ACVR2A: variants seen among roughly 807,000 people sequenced by gnomAD.
ACVR2A encodes the protein activin A receptor type 2A.
A neutral mutation model predicts 61.4 loss-of-function variants in ACVR2A; 7 were observed. That is an observed-to-expected ratio of 0.11 (90% confidence interval 0.06 to 0.21). The LOEUF is 0.21. Among genes scored for constraint, ACVR2A ranks in the 10% least tolerant of loss-of-function variants. The pLI, the probability that ACVR2A is intolerant of heterozygous loss-of-function variation, is 1.00. For synonymous variants in ACVR2A, 193 were observed against 208.3 expected (o/e 0.93, Z 0.63); for missense variants, 322 against 621.7 (o/e 0.52, Z 5.13).
At chr2:147,844,559 GCCAGAGCCTGGA>G, upstream of ACVR2A, 1 of 149,478 alleles carries the variant, frequency 6.7e-6, no homozygotes, top group East Asian at 2.0e-4. Flanking sequence ...CGGAGCTGGA[GCCAGAGCCTGGA>G]CCAGAACTTG....
At chr2:147,920,674 A>G (rs1022855994) in intron 8 of ACVR2A, among the ~76,000 whole-genome samples, 2 of 152,156 alleles carry the variant, frequency 1.3e-5, no homozygotes, top group Non-Finnish European at 2.9e-5. Context: ...TAGTTCTTTC[A>G]CCATCTTAAG....
intron 7 of ACVR2A, among the ~76,000 whole-genome samples, chr2:147,919,233 G>A (rs1687322815): frequency 2.0e-5 from 3 of 152,136 alleles, no homozygotes; most frequent in African/African-American, 7.2e-5. Context: ...TTAGCTGAGT[G>A]CCACCAGGCG....
intron 1 of ACVR2A, among the ~76,000 whole-genome samples, chr2:147,864,075 T>G (rs538270919): frequency 6.6e-6 from 1 of 152,330 alleles, no homozygotes; most frequent in South Asian, 2.1e-4. Context: ...GTTTCCTGTG[T>G]TGGGTGAGTG....
chr2:147,891,406 G>A (rs1686579022), intron 1 of ACVR2A, among the ~76,000 whole-genome samples: 1 of 151,976 alleles, frequency 6.6e-6, no homozygotes, highest in Non-Finnish European at 1.5e-5. Flanking sequence ...TAGGTTAGAC[G>A]GACTATTGGG....
At chr2:147,901,912 A>G (rs1686879057) in intron 4 of ACVR2A, among the ~76,000 whole-genome samples, 1 of 152,026 alleles carries the variant, frequency 6.6e-6, no homozygotes, top group Admixed American at 6.6e-5. Flanking sequence ...CTGTTCTGCA[A>G]GACCACTTCG....
At position 147,930,517 on chromosome 2, in the gene ACVR2A, ACAT is replaced by A. The variant is rs1160064954; in HGVS notation, c.*3247_*3249del. 6.6e-6 allele frequency: 1 copy of A among 152,450 alleles called. No homozygotes were observed. The highest frequency in any genetic ancestry group is 1.5e-5 in the Non-Finnish European group (1 of 67,982). 9.4% of individuals were successfully genotyped at this position (152,450 alleles called of 1,614,324 possible). On this transcript the variant is annotated 3_prime_UTR_variant, in exon 11 of 11. Coordinates refer to ENST00000241416, the MANE Select transcript of ACVR2A (RefSeq NM_001616.5). ...ATGATACAAGTAGCATCTTGATTGA[ACAT>A]CATTTACCTCAGATATTCAACCAGC...
At chr2:147,877,267 A>G (rs1202988942) in intron 1 of ACVR2A, among the ~76,000 whole-genome samples, 1 of 152,194 alleles carries the variant, frequency 6.6e-6, no homozygotes, top group East Asian at 1.9e-4. Flanking sequence ...ACAGTTCCCA[A>G]TAATTATTAT....
At position 147,862,010 on chromosome 2, in the gene ACVR2A, A is replaced by G. The variant is rs554671597; in HGVS notation, c.55+16803A>G. Among the ~76,000 whole-genome samples the G allele has an allele frequency of 1.4e-4, 22 of 152,266 alleles. No homozygotes were observed. In the South Asian group the frequency reaches 4.1e-3, roughly 29 times the overall value. ...TTAACTCAAACCCTGAGATAATGCA[A>G]TTTGCCTGAAGTCACTAATCAGTGG... On this transcript the variant is annotated intron_variant, in intron 1 of 10. Transcript: ENST00000241416.
chr2:147,882,479 A>G (rs1235171711), intron 1 of ACVR2A, among the ~76,000 whole-genome samples: 4 of 152,220 alleles, frequency 2.6e-5, no homozygotes, highest in Non-Finnish European at 5.9e-5. Context: ...TGAACCTGGG[A>G]GGCAGAGGTT....
chr2:147,899,403 G>A, intron 2 of ACVR2A, 55 bp from the exon 3 acceptor site: 6 of 1,153,678 alleles, frequency 5.2e-6, no homozygotes, highest in Non-Finnish European at 7.3e-6. Context: ...AACACTTGTT[G>A]TAGGGTCAGT....
intron 5 of ACVR2A, among the ~76,000 whole-genome samples, chr2:147,915,859 G>T (rs1172556006): frequency 6.6e-6 from 1 of 151,808 alleles, no homozygotes; most frequent in Non-Finnish European, 1.5e-5. Flanking sequence ...TTTAAGGTTG[G>T]CTGGACTTCT....
At position 147,929,960 on chromosome 2, in the gene ACVR2A, A is replaced by C. The variant is rs893157328; in HGVS notation, c.*2686A>C. 4 of 152,496 alleles carry C rather than the reference A, an allele frequency of 2.6e-5. No individual in the cohort carries two copies. The highest frequency in any genetic ancestry group is 6.6e-5 in the Admixed American group (1 of 15,220). 9.4% of individuals were successfully genotyped at this position (152,496 alleles called of 1,614,324 possible). ...CAACTTGCCATAGGACTGATGGATT[A>C]ACCAGTGTTCGGCTTTATTTGAAGT... On this transcript the variant is annotated 3_prime_UTR_variant, in exon 11 of 11. Transcript: ENST00000241416.
chr2:147,926,051 T>C lies in ACVR2A; in HGVS notation c.1237T>C (p.Leu413=). 1.2e-6 allele frequency: 2 copies of C among 1,611,596 alleles called. No individual in the cohort carries two copies. Among genetic ancestry groups the C allele is most frequent in the Non-Finnish European group, 1.7e-6 (2 of 1,178,506 alleles). ...AADGPVDEYM[L]PFEEEIGQHP... The stretch of plus-strand genomic sequence containing the variant: ...TTCAGGACCTGTAGATGAATACATG[T>C]TGCCATTTGAGGAGGAAATTGGCCA... Residue 413 remains leucine, a synonymous_variant, in exon 10 of 11, where the codon TTG becomes CTG. Coordinates refer to ENST00000241416, the MANE Select transcript of ACVR2A (RefSeq NM_001616.5).
At position 147,927,073 on chromosome 2, in the gene ACVR2A, C is replaced by G. The variant is rs374445308; in HGVS notation, c.1348-7C>G. 1 of 1,609,148 alleles carries G rather than the reference C, an allele frequency of 6.2e-7. No individual in the cohort carries two copies. The highest frequency in any genetic ancestry group is 1.3e-5 in the African/African-American group (1 of 74,578). On this transcript the variant is annotated splice_region_variant and splice_polypyrimidine_tract_variant and intron_variant, in intron 10 of 10. Transcript: ENST00000241416. Reference sequence around the variant, plus strand: ...TGGCGTTTGAGTATATGTTTTTCTCCTTTTAGGGAATGGCAATGCTCTGTG... The same window carrying G: ...TGGCGTTTGAGTATATGTTTTTCTCGTTTTAGGGAATGGCAATGCTCTGTG...
intron 3 of ACVR2A, 26 bp downstream of exon 3, chr2:147,899,593 G>T (rs776493041): frequency 1.2e-6 from 2 of 1,602,686 alleles, no homozygotes; most frequent in African/African-American, 1.3e-5. Flanking sequence ...AAATACGTAG[G>T]TTTGCTCAAC....
At chr2:147,890,535 G>A (rs943272129) in intron 1 of ACVR2A, among the ~76,000 whole-genome samples, 16 of 152,268 alleles carry the variant, frequency 1.1e-4, no homozygotes, top group African/African-American at 3.4e-4. Flanking sequence ...AGGGGATTCT[G>A]ATGCACATCA....
chr2:147,911,304 GT>G lies in ACVR2A; in HGVS notation c.529-3884del, dbSNP rs902987410. ...GGGATTAAACTGGAGTCAAGAATTT[GT>G]TTACCACCTATCTCTCATATCTAAG... On this transcript the variant is annotated intron_variant, in intron 4 of 10. Coordinates refer to ENST00000241416, the MANE Select transcript of ACVR2A (RefSeq NM_001616.5). 1.1e-4 allele frequency among the ~76,000 whole-genome samples: 16 copies of G among 152,150 alleles called. No homozygotes were observed. In the South Asian group the frequency reaches 1.7e-3, roughly 16 times the overall value.
chr2:147,904,383 A>G (rs1009313691), intron 4 of ACVR2A, among the ~76,000 whole-genome samples: 3 of 151,954 alleles, frequency 2.0e-5, no homozygotes, highest in Admixed American at 6.6e-5. Context: ...TATAAGATCT[A>G]TATTTGTGCT....
At chr2:147,922,266 T>G (rs1422578656) in intron 8 of ACVR2A, among the ~76,000 whole-genome samples, 1 of 152,014 alleles carries the variant, frequency 6.6e-6, no homozygotes, top group Non-Finnish European at 1.5e-5. Context: ...TAGTCTAGAG[T>G]AGAGATTATA....
Sources: allele counts gnomAD v4.1 joint callset (sites outside exome capture counted in the v4.1 genomes callset), GRCh38; gene constraint gnomAD v4.1.1; transcripts MANE v1.5; gene names NCBI Gene and HGNC (gene_info 2026-07-23, HGNC 2026-07-21).